The following PKHD1L1 variants were observed in gnomAD, a reference collection of about 807,000 sequenced individuals.
PKHD1L1 encodes fibrocystin-L.
A neutral mutation model predicts 462.9 loss-of-function variants in PKHD1L1; 434 were observed. The observed-to-expected ratio is 0.94, with a 90% CI of 0.87 to 1.02. The LOEUF (loss-of-function observed/expected upper bound fraction) is 1.02, where lower values mean the gene tolerates loss of function less well. Among genes scored for constraint, PKHD1L1 ranks in the 50% least tolerant of loss-of-function variants. PKHD1L1 has a pLI of 0.00. For missense variants in PKHD1L1, 5,202 were observed against 5,096.1 expected (o/e 1.02, Z -0.63); for synonymous variants, 1,781 against 1,750.0 (o/e 1.02, Z -0.44).
rs533299384 is a variant in PKHD1L1 at position 109,510,841 on chromosome 8, C to T, written c.11460C>T (p.Ser3820=). The T allele has an allele frequency of 5.3e-4, 850 of 1,613,326 alleles. 11 individuals are homozygous for T. In the South Asian group the frequency reaches 8.5e-3, roughly 16 times the overall value. ...TCQRRLSLFH[S]IVALNKSYEV... ...AGAGAAGGCTGTCCCTGTTTCACAGCATTGTGGCTCTGAACAAATCTTATG... is the reference window on the plus strand; with the variant it reads ...AGAGAAGGCTGTCCCTGTTTCACAGTATTGTGGCTCTGAACAAATCTTATG... Residue 3820 remains serine, a synonymous_variant, in exon 71 of 78, where the codon AGC becomes AGT. Transcript: ENST00000378402.
At chr8:109,411,244 T>C (rs1194601273) in intron 19 of PKHD1L1, among the ~76,000 whole-genome samples, 1 of 152,204 alleles carries the variant, frequency 6.6e-6, no homozygotes, top group Non-Finnish European at 1.5e-5. Context: ...GGAAGAAAAT[T>C]GAATATGTGC....
intron 9 of PKHD1L1, among the ~76,000 whole-genome samples, chr8:109,393,903 G>A (rs375057662): frequency 6.6e-6 from 1 of 151,996 alleles, no homozygotes; most frequent in Non-Finnish European, 1.5e-5. Context: ...AGGGCCGGGC[G>A]CGGTGGCTCA....
chr8:109,489,470 C>G (rs1352513063), intron 59 of PKHD1L1, among the ~76,000 whole-genome samples: 1 of 151,898 alleles, frequency 6.6e-6, no homozygotes, highest in East Asian at 1.9e-4. Context: ...AGCTGACCAG[C>G]AGATAATTGG....
chr8:109,480,286 TC>T (rs763275716), intron 55 of PKHD1L1, 147 bp downstream of exon 55: 1 of 821,364 alleles, frequency 1.2e-6, no homozygotes, highest in Non-Finnish European at 1.9e-6. Context: ...CTCAGTTAAG[TC>T]CAATATATTT....
chr8:109,442,933 C>T lies in PKHD1L1; in HGVS notation c.4394-13C>T, dbSNP rs200110848. The T allele has an allele frequency of 1.6e-5, 25 of 1,611,118 alleles. No homozygotes were observed. In the African/African-American group the frequency reaches 2.9e-4, roughly 19 times the overall value. On this transcript the variant is annotated splice_polypyrimidine_tract_variant and intron_variant, in intron 35 of 77. Coordinates refer to ENST00000378402, the MANE Select transcript of PKHD1L1 (RefSeq NM_177531.6). The stretch of plus-strand genomic sequence containing the variant: ...TGCTTATATTTATTACGTACAATCT[C>T]ATTTTATGGCAGGTTCATTTTCTTA...
intron 21 of PKHD1L1, among the ~76,000 whole-genome samples, chr8:109,415,861 A>AGG (rs36079473): frequency 3.4e-5 from 2 of 58,568 alleles, no homozygotes; most frequent in African/African-American, 6.4e-5. Flanking sequence ...AAAAAAAAAA[A>AGG]GGGGTGTGTG....
intron 27 of PKHD1L1, among the ~76,000 whole-genome samples, chr8:109,432,433 A>G (rs1306537430): frequency 6.6e-6 from 1 of 152,176 alleles, no homozygotes; most frequent in African/African-American, 2.4e-5. Flanking sequence ...ATTTGAATCT[A>G]TGTAGAATCT....
chr8:109,518,105 G>C (rs117290720), intron 72 of PKHD1L1, 62 bp from the exon 73 acceptor site: 1 of 993,240 alleles, frequency 1.0e-6, no homozygotes, highest in Non-Finnish European at 1.5e-6. Flanking sequence ...ATTAAGTAAC[G>C]CATGTTGATT....
intron 71 of PKHD1L1, among the ~76,000 whole-genome samples, chr8:109,514,356 C>G (rs893577551): frequency 6.6e-5 from 10 of 152,106 alleles, no homozygotes; most frequent in Non-Finnish European, 1.3e-4. Flanking sequence ...CCTACTTTAC[C>G]TTTTATTATT....
Position 109,413,418 on chromosome 8 carries a change from T to C in PKHD1L1, c.2236-3T>C. On this transcript the variant is annotated splice_polypyrimidine_tract_variant and splice_region_variant and intron_variant, in intron 20 of 77. Coordinates refer to ENST00000378402, the MANE Select transcript of PKHD1L1 (RefSeq NM_177531.6). Reference sequence around the variant, plus strand: ...TACCAATGTTTTTCATATTTTTATGTAGTTATGTTTAGCATACAAAGGATT... The same window carrying C: ...TACCAATGTTTTTCATATTTTTATGCAGTTATGTTTAGCATACAAAGGATT... 1 of 1,493,846 alleles carries C rather than the reference T, an allele frequency of 6.7e-7. No homozygotes were observed. Among genetic ancestry groups the C allele is most frequent in the South Asian group, 1.3e-5 (1 of 74,326 alleles). 92.5% of individuals were successfully genotyped at this position (1,493,846 alleles called of 1,614,324 possible).
chr8:109,459,571 A>AT (rs1158860682), intron 46 of PKHD1L1, 24 bp from the exon 47 acceptor site: 2 of 1,331,888 alleles, frequency 1.5e-6, no homozygotes, highest in Non-Finnish European at 2.0e-6. Context: ...TAATTTTAAA[A>AT]TTTTTTTGTC....
At position 109,445,148 on chromosome 8, in the gene PKHD1L1, T is replaced by C. The variant is rs770366151; in HGVS notation, c.5279T>C (p.Ile1760Thr). Reference sequence around the variant, plus strand: ...ACAGGAGTCTTCCCAAACTCTGTCATAGGATCTGTAAAAGTTCTTATTGAA... The same window carrying C: ...ACAGGAGTCTTCCCAAACTCTGTCACAGGATCTGTAAAAGTTCTTATTGAA... ...YITGVFPNSV[I>T]GSVKVLIEGE... The change falls in exon 38 of 78, where the codon ATA becomes ACA. Residue 1760 changes from isoleucine to threonine, a missense_variant. Transcript: ENST00000378402. The C allele has an allele frequency of 2.5e-6, 4 of 1,613,930 alleles. No individual in the cohort carries two copies. The highest frequency in any genetic ancestry group is 1.1e-5 in the South Asian group (1 of 91,078).
At position 109,464,757 on chromosome 8, in the gene PKHD1L1, T is replaced by C; in HGVS notation, c.7925T>C (p.Val2642Ala). The C allele has an allele frequency of 6.2e-7, 1 of 1,613,864 alleles. No individual in the cohort carries two copies. The highest frequency in any genetic ancestry group is 2.2e-5 in the East Asian group (1 of 44,876). Reference sequence around the variant, plus strand: ...CAAACGGGATCTTGTACATCTACAGTGCCTGCACCTGCAATATTTAACTCA... The same window carrying C: ...CAAACGGGATCTTGTACATCTACAGCGCCTGCACCTGCAATATTTAACTCA... The part of the protein sequence containing the change: ...PMQTGSCTST[V>A]PAPAIFNSLT... The change falls in exon 49 of 78, where the codon GTG becomes GCG. Residue 2642 changes from valine to alanine, a missense_variant. Physicochemically the swap from Val to Ala is moderately conservative, Grantham distance 64. Around this residue, in one of 3 missense-constraint regions of PKHD1L1, gnomAD observed 4,497 missense variants for 4,336.8 expected, o/e 1.04. Coordinates refer to ENST00000378402, the MANE Select transcript of PKHD1L1 (RefSeq NM_177531.6).
intron 18 of PKHD1L1, 49 bp downstream of exon 18, chr8:109,408,255 CAT>C: frequency 6.6e-7 from 1 of 1,515,300 alleles, no homozygotes; most frequent in Non-Finnish European, 9.0e-7. Context: ...CACCCTCTCA[CAT>C]CATTCATGGG....
At chr8:109,396,578 C>T (rs1407808545) in intron 11 of PKHD1L1, among the ~76,000 whole-genome samples, 1 of 152,212 alleles carries the variant, frequency 6.6e-6, no homozygotes, top group South Asian at 2.1e-4. Flanking sequence ...CTCATCTGGA[C>T]ATCAGTAATC....
intron 28 of PKHD1L1, among the ~76,000 whole-genome samples, chr8:109,433,625 C>T (rs1195276440): frequency 1.3e-5 from 2 of 152,132 alleles, no homozygotes; most frequent in Non-Finnish European, 2.9e-5. Context: ...GACTTCCAGT[C>T]CCATTGAACC....
At chr8:109,506,690 C>T (rs1016581809) in intron 68 of PKHD1L1, among the ~76,000 whole-genome samples, 1 of 152,060 alleles carries the variant, frequency 6.6e-6, no homozygotes, top group Non-Finnish European at 1.5e-5. Context: ...TATTAAAATC[C>T]TTCTCTAAAA....
At chr8:109,418,903 A>T (rs1429709122) in intron 21 of PKHD1L1, among the ~76,000 whole-genome samples, 194 bp from the exon 22 acceptor site, 1 of 152,236 alleles carries the variant, frequency 6.6e-6, no homozygotes. Flanking sequence ...ATACAATGCT[A>T]AATCTTTTAC....
chr8:109,444,115 T>TG (rs1815976242), intron 37 of PKHD1L1, among the ~76,000 whole-genome samples: 1 of 126,812 alleles, frequency 7.9e-6, no homozygotes, highest in African/African-American at 2.9e-5. Context: ...TTTCATTACC[T>TG]CCCCCCCCCA....
Sources: gnomAD v4.1 joint callset for allele counts (sites outside exome capture counted in the v4.1 genomes callset) on GRCh38, gnomAD v4.1.1 for gene constraint, gnomAD v4.1.1 regional missense constraint, MANE v1.5 for transcripts, NCBI Gene and HGNC (gene_info 2026-07-23, HGNC 2026-07-21) for gene names.